The following NFYB variants were observed in gnomAD, a reference collection of about 807,000 sequenced individuals.
NFYB encodes CAAT box DNA-binding protein subunit B.
Under a neutral mutation model 28.0 loss-of-function variants are expected in NFYB, and 13 were observed. That is an observed-to-expected ratio of 0.46 (90% confidence interval 0.30 to 0.74). The LOEUF is 0.74. Among genes scored for constraint, NFYB ranks in the 30% least tolerant of loss-of-function variants. NFYB has a pLI of 0.07. For missense variants in NFYB, 142 were observed against 247.6 expected (o/e 0.57, Z 2.86); for synonymous variants, 74 against 75.0 (o/e 0.99, Z 0.07).
At position 104,119,054 on chromosome 12, in the gene NFYB, G is replaced by A. The variant is rs7309185; in HGVS notation, c.*683C>T. On this transcript the variant is annotated 3_prime_UTR_variant, in exon 8 of 8. Transcript: ENST00000240055. ...CAAATCTAGTCTTAAAAAAGCTCCA[G>A]TAACTAAAACTACATTAACAGGCAC... 53,465 of 152,092 alleles carry A rather than the reference G, an allele frequency of 0.35. 9,755 individuals are homozygous for A. The highest frequency in any genetic ancestry group is 0.47 in the South Asian group (2,278 of 4,820). 9.4% of individuals were successfully genotyped at this position (152,092 alleles called of 1,614,324 possible). A position where few individuals can be genotyped will look rare whatever the true frequency, so the allele number is the denominator to read the frequency against.
In NFYB at chr12:104,118,451, T is replaced by C. The variant is rs2030344067; in HGVS notation, c.*1286A>G. ...TATCTGGGAAATTGCTTCTACCTTA[T>C]AAATTTGAGTGTCCTTCAAAGATGA... On this transcript the variant is annotated 3_prime_UTR_variant, in exon 8 of 8. Coordinates refer to ENST00000240055, the MANE Select transcript of NFYB (RefSeq NM_006166.4). The C allele has an allele frequency of 6.6e-6, 1 of 152,620 alleles. No individual in the cohort carries two copies. The highest frequency in any genetic ancestry group is 2.4e-5 in the African/African-American group (1 of 41,436). The allele number at this position is 152,620 out of a possible 1,614,324, so 9.5% of individuals were successfully genotyped here. A position where few individuals can be genotyped will look rare whatever the true frequency, so the allele number is the denominator to read the frequency against.
intron 4 of NFYB, among the ~76,000 whole-genome samples, chr12:104,123,822 G>A (rs536879654): frequency 2.0e-5 from 3 of 152,120 alleles, no homozygotes; most frequent in African/African-American, 7.2e-5. Flanking sequence ...TTAGCTGGGC[G>A]TGGTGGCAGG....
intron 6 of NFYB, 126 bp downstream of exon 6, chr12:104,121,114 T>C (rs1475462661): frequency 1.4e-6 from 1 of 738,454 alleles, no homozygotes; most frequent in East Asian, 2.5e-5. Context: ...GGGCATGAAC[T>C]GATAAGAACT....
chr12:104,119,410 A>G lies in NFYB; in HGVS notation c.*327T>C, dbSNP rs1046793211. On this transcript the variant is annotated 3_prime_UTR_variant, in exon 8 of 8. Coordinates refer to ENST00000240055, the MANE Select transcript of NFYB (RefSeq NM_006166.4). ...TGAATTACAAAAGTAACATGATTCAATATGAAAATAAGAAACTGTCTACAA... is the reference window on the plus strand; with the variant it reads ...TGAATTACAAAAGTAACATGATTCAGTATGAAAATAAGAAACTGTCTACAA... 1.1e-5 allele frequency: 2 copies of G among 181,326 alleles called. No homozygotes were observed. Among genetic ancestry groups the G allele is most frequent in the African/African-American group, 2.3e-5 (1 of 42,692 alleles). 11.2% of individuals were successfully genotyped at this position (181,326 alleles called of 1,614,324 possible).
intron 3 of NFYB, 92 bp downstream of exon 3, chr12:104,128,332 G>T: frequency 2.5e-6 from 2 of 785,822 alleles, no homozygotes; most frequent in South Asian, 2.2e-5. Context: ...TTCCTATAAA[G>T]ACACAAGTAG....
At chr12:104,125,849 C>CAAA (rs374433754) in intron 4 of NFYB, among the ~76,000 whole-genome samples, 2,125 of 72,080 alleles carry the variant, frequency 0.029, 28 homozygotes, top group Middle Eastern at 0.049. Flanking sequence ...ACTCTGTCCC[C>CAAA]AAAAAAAAAA....
Position 104,120,063 on chromosome 12 carries a change from A to T in NFYB, c.592-294T>A, listed in dbSNP as rs56212125. ...TATCAATAGATATAATAAAAAAAAA[A>T]TTTTTTTTTTGAGACAGAGTCTCAC... On this transcript the variant is annotated intron_variant, in intron 7 of 7. Coordinates refer to ENST00000240055, the MANE Select transcript of NFYB (RefSeq NM_006166.4). Among the ~76,000 whole-genome samples, 60 of 150,422 alleles carry T rather than the reference A, an allele frequency of 4.0e-4. 1 individual carries two copies. Among genetic ancestry groups the T allele is most frequent in the East Asian group, 2.9e-3 (15 of 5,136 alleles).
intron 2 of NFYB, chr12:104,131,761 A>G (rs1182661390): frequency 2.4e-5 from 11 of 455,974 alleles, no homozygotes; most frequent in Non-Finnish European, 4.0e-5. Context: ...TACCAGGTTC[A>G]TGCTATGTGC....
intron 4 of NFYB, among the ~76,000 whole-genome samples, chr12:104,123,972 AT>A (rs1325097631): frequency 6.6e-6 from 1 of 152,228 alleles, no homozygotes; most frequent in South Asian, 2.1e-4. Context: ...CAAAAAAAAA[AT>A]TAAAAAAATT....
intron 5 of NFYB, among the ~76,000 whole-genome samples, chr12:104,122,583 T>A (rs1417940394): frequency 6.6e-6 from 1 of 152,150 alleles, no homozygotes; most frequent in Non-Finnish European, 1.5e-5. Flanking sequence ...TATTGTGAAC[T>A]GCGCATGCAA....
At chr12:104,137,585 G>A (rs2031155198) in intron 1 of NFYB, 2 of 152,130 alleles carry the variant, frequency 1.3e-5, no homozygotes, top group African/African-American at 4.8e-5. Flanking sequence ...CGGCCGCCCC[G>A]GCCCCGCGCC....
In NFYB at chr12:104,126,135, AT is replaced by A; in HGVS notation, c.209del (p.Asn70MetfsTer21). 1 of 1,586,354 alleles carries A rather than the reference AT, an allele frequency of 6.3e-7. No individual in the cohort carries two copies. The highest frequency in any genetic ancestry group is 1.9e-5 in the Admixed American group (1 of 53,600). On this transcript the variant is annotated frameshift_variant, in exon 4 of 8. Coordinates refer to ENST00000240055, the MANE Select transcript of NFYB (RefSeq NM_006166.4). LOFTEE classifies it high-confidence loss of function. ...TTACCTTTCCCGTTTGAGGTATGGC[AT>A]TTTTCATTATCCTAGCCACGTTTGC... The part of the protein sequence containing the change: ...PIANVARIMK[N>X]AIPQTGKIAK...
chr12:104,124,722 A>G (rs2030615999), intron 4 of NFYB, among the ~76,000 whole-genome samples: 1 of 152,256 alleles, frequency 6.6e-6, no homozygotes, highest in South Asian at 2.1e-4. Context: ...TTTACAACAC[A>G]TCTCCATTCA....
chr12:104,121,135 G>A, intron 6 of NFYB, 105 bp downstream of exon 6: 2 of 876,584 alleles, frequency 2.3e-6, no homozygotes, highest in Non-Finnish European at 1.8e-6. Flanking sequence ...ATTTAAAATA[G>A]TGCTTTGTCA....
chr12:104,133,472 T>C (rs2030996567), intron 2 of NFYB, among the ~76,000 whole-genome samples: 1 of 152,244 alleles, frequency 6.6e-6, no homozygotes, highest in African/African-American at 2.4e-5. Context: ...GCACTGGCTC[T>C]TAGGACCGAT....
intron 2 of NFYB, among the ~76,000 whole-genome samples, chr12:104,132,256 G>C (rs1349504654): frequency 3.3e-5 from 5 of 152,116 alleles, no homozygotes; most frequent in South Asian, 2.1e-4. Context: ...CAGGCAAAAA[G>C]AAAGGTGGGA....
Position 104,123,442 on chromosome 12 carries a change from G to A in NFYB, c.232-19C>T, listed in dbSNP as rs1376373232. On this transcript the variant is annotated intron_variant, in intron 4 of 7. Transcript: ENST00000240055. ...TTGCAATCTGAAGAGAAAATCATAG[G>A]TAAATTACAGAAACTATAACCATCA... The A allele has an allele frequency of 6.2e-7, 1 of 1,606,608 alleles. No homozygotes were observed.
At chr12:104,125,622 A>T (rs1340592473) in intron 4 of NFYB, among the ~76,000 whole-genome samples, 1 of 151,986 alleles carries the variant, frequency 6.6e-6, no homozygotes, top group African/African-American at 2.4e-5. Context: ...GCCAAGGCGG[A>T]TGGATCACCT....
Position 104,124,884 on chromosome 12 carries a change from A to G in NFYB, c.231+1230T>C, listed in dbSNP as rs913674182. Among the ~76,000 whole-genome samples the G allele has an allele frequency of 5.3e-5, 8 of 152,306 alleles. No homozygotes were observed. In the South Asian group the frequency reaches 1.7e-3, roughly 32 times the overall value. Reference sequence around the variant, plus strand: ...ATAAGGACAAAATTCTCAAACTGTAAGTTCTAAGCTTAGTGATGTATTTTA... The same window carrying G: ...ATAAGGACAAAATTCTCAAACTGTAGGTTCTAAGCTTAGTGATGTATTTTA... On this transcript the variant is annotated intron_variant, in intron 4 of 7. Coordinates refer to ENST00000240055, the MANE Select transcript of NFYB (RefSeq NM_006166.4).
Sources: allele counts gnomAD v4.1 joint callset (sites outside exome capture counted in the v4.1 genomes callset), GRCh38; gene constraint gnomAD v4.1.1; transcripts MANE v1.5; gene names NCBI Gene and HGNC (gene_info 2026-07-23, HGNC 2026-07-21).